TDRP: variants seen among roughly 807,000 people sequenced by gnomAD.
The protein encoded by TDRP is testis development related protein.
In TDRP, 12 loss-of-function variants were observed where a neutral mutation model predicts 10.5. The observed-to-expected ratio is 1.15, with a 90% CI of 0.73 to 1.86. The LOEUF is 1.86. Among genes scored for constraint, TDRP ranks in the 40% most tolerant of loss-of-function variants. The pLI, the probability that TDRP is intolerant of heterozygous loss-of-function variation, is 0.00. For synonymous variants in TDRP, 139 were observed against 95.4 expected, an observed-to-expected ratio of 1.46 and a Z score of -2.67; for missense variants, 353 against 229.2, an observed-to-expected ratio of 1.54 and a Z score of -3.49.
chr8:525,607 G>A (rs970451855), intron 1 of TDRP, among the ~76,000 whole-genome samples: 3 of 152,178 alleles, frequency 2.0e-5, no homozygotes, highest in Non-Finnish European at 4.4e-5. Flanking sequence ...AATGCAATAA[G>A]TGTTAAATTG....
chr8:493,614 G>A (rs185964961), intron 2 of TDRP, among the ~76,000 whole-genome samples: 2 of 152,204 alleles, frequency 1.3e-5, no homozygotes, highest in East Asian at 3.8e-4. Context: ...TAATATCATT[G>A]GGTAGTCACT....
intron 2 of TDRP, among the ~76,000 whole-genome samples, chr8:493,242 C>A (rs115190542): frequency 1.3e-5 from 2 of 152,166 alleles, no homozygotes; most frequent in Non-Finnish European, 2.9e-5. Context: ...TGGTAGCAAG[C>A]GACAGCTAGG....
Position 491,499 on chromosome 8 carries a change from G to A in TDRP, c.*900C>T. ...TGTGGAAAAAACACAGCTTCTTACA[G>A]ATCTAACACCAATCACAATAGGCAT... is the stretch of plus-strand genomic sequence containing the variant. On this transcript the variant is annotated 3_prime_UTR_variant, in exon 3 of 3. Coordinates refer to ENST00000324079, the MANE Select transcript of TDRP (RefSeq NM_001384899.1). 1 of 1,044,106 alleles carries A rather than the reference G, an allele frequency of 9.6e-7. No homozygotes were observed. The highest frequency in any genetic ancestry group is 2.8e-5 in the East Asian group (1 of 35,608). The allele number at this position is 1,044,106 out of a possible 1,614,324, so 64.7% of individuals were successfully genotyped here.
intron 1 of TDRP, among the ~76,000 whole-genome samples, chr8:531,778 G>T (rs1296342548): frequency 1.3e-5 from 2 of 152,178 alleles, no homozygotes; most frequent in African/African-American, 4.8e-5. Flanking sequence ...CACAAGCTTA[G>T]TATTAACCAC....
upstream of TDRP, chr8:544,850 G>T (rs1266691714): frequency 1.0e-5 from 10 of 986,524 alleles, no homozygotes; most frequent in Non-Finnish European, 1.2e-5. Flanking sequence ...CGGCTCCTGC[G>T]GGACGCGGGC....
rs1801657396 is a variant in TDRP, at chr8:512,958, C to G, written c.109-18361G>C. On this transcript the variant is annotated intron_variant, in intron 1 of 2. Coordinates refer to ENST00000324079, the MANE Select transcript of TDRP (RefSeq NM_001384899.1). ...CTGCACTCCAGCCTGGGTGACAGAG[C>G]AAGATTTCACCTCAAAAAAAAAAAA... Among the ~76,000 whole-genome samples the G allele has an allele frequency of 1.9e-5, 2 of 104,034 alleles. 1 individual carries two copies. Among genetic ancestry groups the G allele is most frequent in the South Asian group, 8.1e-4 (2 of 2,472 alleles). The allele number at this position is 104,034 out of a possible 152,430, so 68.3% of individuals were successfully genotyped here.
In TDRP at chr8:520,315, T is replaced by C. The variant is rs372618649; in HGVS notation, c.108+24335A>G. Among the ~76,000 whole-genome samples, 8 of 152,328 alleles carry C rather than the reference T, an allele frequency of 5.3e-5. No homozygotes were observed. The South Asian group carries it at 1.0e-3, about 20-fold the overall frequency. On this transcript the variant is annotated intron_variant, in intron 1 of 2. Transcript: ENST00000324079. ...TTTTCTAAGGCTGAATAATATTCCA[T>C]TGAACATATGTACTATATTTTCCTT...
At chr8:517,073 A>C (rs1801775915) in intron 1 of TDRP, among the ~76,000 whole-genome samples, 1 of 152,160 alleles carries the variant, frequency 6.6e-6, no homozygotes. Context: ...GGGAAGGAGG[A>C]AGTCAGACAT....
rs1000072190 is a variant in TDRP at position 490,830 on chromosome 8, T to C, written c.*1569A>G. 2.1e-4 allele frequency: 32 copies of C among 152,120 alleles called. No homozygotes were observed. The highest frequency in any genetic ancestry group is 7.2e-4 in the African/African-American group (30 of 41,418). 9.4% of individuals were successfully genotyped at this position (152,120 alleles called of 1,614,324 possible). A position where few individuals can be genotyped will look rare whatever the true frequency, so the allele number is the denominator to read the frequency against. On this transcript the variant is annotated 3_prime_UTR_variant, in exon 3 of 3. Coordinates refer to ENST00000324079, the MANE Select transcript of TDRP (RefSeq NM_001384899.1). ...GCTGGAATTTTTGTTTGAACACCAATTGAAACATGTCCCCCTTTCAAGACT... is the reference window on the plus strand; with the variant it reads ...GCTGGAATTTTTGTTTGAACACCAACTGAAACATGTCCCCCTTTCAAGACT...
rs758792789 is a variant in TDRP, at chr8:496,452, G to A, written c.109-1855C>T. On this transcript the variant is annotated intron_variant, in intron 1 of 2. Coordinates refer to ENST00000324079, the MANE Select transcript of TDRP (RefSeq NM_001384899.1). The stretch of plus-strand genomic sequence containing the variant: ...TACCACGTCCCTCACTCTGAGCAAT[G>A]CCCCATGAGACAGACACAGTGAAGC... Among the ~76,000 whole-genome samples, 91 of 152,328 alleles carry A rather than the reference G, an allele frequency of 6.0e-4. 1 individual carries two copies. Among genetic ancestry groups the A allele is most frequent in the Admixed American group, 1.6e-3 (24 of 15,294 alleles).
intron 1 of TDRP, among the ~76,000 whole-genome samples, chr8:510,206 C>T (rs966816358): frequency 1.3e-5 from 2 of 152,204 alleles, no homozygotes; most frequent in Admixed American, 1.3e-4. Flanking sequence ...GGCCACATGA[C>T]TGCACTCAGT....
chr8:541,220 T>A (rs1410452420), intron 1 of TDRP, among the ~76,000 whole-genome samples: 1 of 152,248 alleles, frequency 6.6e-6, no homozygotes, highest in Non-Finnish European at 1.5e-5. Flanking sequence ...TAATCTGTCA[T>A]AATTAACACA....
intron 1 of TDRP, among the ~76,000 whole-genome samples, chr8:531,944 T>G (rs1176051317): frequency 6.6e-6 from 1 of 152,202 alleles, no homozygotes; most frequent in Non-Finnish European, 1.5e-5. Context: ...CAGTGGGCCC[T>G]GCGGTGGTTG....
rs981957628 is a variant in TDRP at position 544,771 on chromosome 8, C to A, written c.-14G>T. ...CAGCTTCCACATGGTCAGGCGGGCT[C>A]CGGCGTCCCTCCGTCCGTGCGTCGG... On this transcript the variant is annotated 5_prime_UTR_variant, in exon 1 of 3. Transcript: ENST00000324079. The A allele has an allele frequency of 4.1e-6, 5 of 1,231,920 alleles. No homozygotes were observed. Among genetic ancestry groups the A allele is most frequent in the Non-Finnish European group, 5.1e-6 (5 of 985,736 alleles). 76.3% of individuals were successfully genotyped at this position (1,231,920 alleles called of 1,614,324 possible). A position where few individuals can be genotyped will look rare whatever the true frequency, so the allele number is the denominator to read the frequency against.
chr8:505,074 A>G (rs562272217), intron 1 of TDRP, among the ~76,000 whole-genome samples: 2 of 152,374 alleles, frequency 1.3e-5, no homozygotes, highest in East Asian at 3.9e-4. Context: ...TAACCTTCAG[A>G]TAATTTTGTA....
At chr8:521,392 G>C (rs531202031) in intron 1 of TDRP, among the ~76,000 whole-genome samples, 64 of 101,556 alleles carry the variant, frequency 6.3e-4, no homozygotes, top group African/African-American at 1.7e-3. Flanking sequence ...ACTCCAGCCT[G>C]GGCAAGAGAG....
intron 1 of TDRP, among the ~76,000 whole-genome samples, chr8:537,252 G>T (rs1025618644): frequency 6.6e-6 from 1 of 152,156 alleles, no homozygotes. Context: ...GGATGAAATG[G>T]TCCTCCAGAG....
rs139162208 is a variant in TDRP at position 491,881 on chromosome 8, C to T, written c.*518G>A. ...GCTTTGCTTTTCCAGTATTTGTTTA[C>T]GTATTTGTTTAATAAGAACAAAGTT... On this transcript the variant is annotated 3_prime_UTR_variant, in exon 3 of 3. Coordinates refer to ENST00000324079, the MANE Select transcript of TDRP (RefSeq NM_001384899.1). 9.8e-5 allele frequency: 116 copies of T among 1,183,264 alleles called. No individual in the cohort carries two copies. In the African/African-American group the frequency reaches 1.4e-3, roughly 14 times the overall value. 73.3% of individuals were successfully genotyped at this position (1,183,264 alleles called of 1,614,324 possible).
chr8:512,801 A>G (rs980010900), intron 1 of TDRP, among the ~76,000 whole-genome samples: 3 of 151,938 alleles, frequency 2.0e-5, no homozygotes, highest in African/African-American at 7.3e-5. Context: ...GCAAAACCCC[A>G]TCTCTAATAA....
Sources: gnomAD v4.1 joint callset for allele counts (sites outside exome capture counted in the v4.1 genomes callset) on GRCh38, gnomAD v4.1.1 for gene constraint, MANE v1.5 for transcripts, NCBI Gene and HGNC (gene_info 2026-07-23, HGNC 2026-07-21) for gene names.